The following SLC35E4 variants were observed in gnomAD, a reference collection of about 807,000 sequenced individuals.
SLC35E4 encodes the protein solute carrier family 35 member E4, also known as solute carrier family 35, member E4.
A neutral mutation model predicts 19.3 loss-of-function variants in SLC35E4; 15 were observed. The observed-to-expected ratio is 0.78, with a 90% CI of 0.52 to 1.20. The LOEUF is 1.20. SLC35E4 is among the 50% of genes most tolerant of loss of function. SLC35E4 has a pLI of 0.00. For synonymous variants in SLC35E4, 219 were observed against 219.9 expected (o/e 1.00, Z 0.04); for missense variants, 406 against 472.3 (o/e 0.86, Z 1.30).
downstream of SLC35E4, chr22:30,663,930 T>C (rs377416793): frequency 5.6e-6 from 9 of 1,614,166 alleles, no homozygotes; most frequent in South Asian, 2.2e-5. Context: ...ATACAGGCTT[T>C]TGGTTATCTG....
At chr22:30,641,576 C>T (rs2088037628) in intron 1 of SLC35E4, among the ~76,000 whole-genome samples, 1 of 151,400 alleles carries the variant, frequency 6.6e-6, no homozygotes, top group Non-Finnish European at 1.5e-5. Flanking sequence ...GAGACAATCT[C>T]TCTCTGTCGC....
downstream of SLC35E4, chr22:30,665,378 G>A (rs2145622266): frequency 3.1e-6 from 1 of 326,242 alleles, no homozygotes. Flanking sequence ...TCCATGCTCT[G>A]AAGGGCCTCA....
Position 30,643,046 on chromosome 22 carries a change from A to C in SLC35E4, c.620-3552A>C, listed in dbSNP as rs865867755. ...CTCCGTCTCAAAAAAAAAAAAAAAA[A>C]AGTATCCAGAAAGAGGAGAGCCCAG... On this transcript the variant is annotated intron_variant, in intron 1 of 1. Transcript: ENST00000343605. Among the ~76,000 whole-genome samples the C allele has an allele frequency of 7.1e-4, 108 of 151,772 alleles. 2 individuals are homozygous for C. The highest frequency in any genetic ancestry group is 4.3e-3 in the Admixed American group (65 of 15,252).
At chr22:30,654,364 TG>T in intron 2 of SLC35E4, 1 of 463,684 alleles carries the variant, frequency 2.2e-6, no homozygotes, top group African/African-American at 2.0e-5. Context: ...TGTCACTGTC[TG>T]GTACTTCCAG....
intron 2 of SLC35E4, among the ~76,000 whole-genome samples, chr22:30,655,819 A>G (rs2088328614): frequency 6.6e-6 from 1 of 152,172 alleles, no homozygotes; most frequent in African/African-American, 2.4e-5. Context: ...CTGAAGTCAA[A>G]GCCAAGAGGT....
At chr22:30,642,460 G>A (rs752972332) in intron 1 of SLC35E4, among the ~76,000 whole-genome samples, 55 of 152,106 alleles carry the variant, frequency 3.6e-4, no homozygotes, top group Non-Finnish European at 5.6e-4. Context: ...AAAGAAGGCT[G>A]GGCATGGTGG....
chr22:30,638,080 G>A (rs559948609), intron 1 of SLC35E4, among the ~76,000 whole-genome samples: 88 of 152,246 alleles, frequency 5.8e-4, no homozygotes, highest in African/African-American at 2.0e-3. Context: ...TTCATGATTT[G>A]ACAGGCTGGG....
chr22:30,668,931 A>G (rs2088767601), exon 3 of SLC35E4: 1 of 152,202 alleles, frequency 6.6e-6, no homozygotes, highest in Non-Finnish European at 1.5e-5. Context: ...TAGTATTGGT[A>G]AATTTTTTGC....
At chr22:30,645,965 C>A (rs999934571) in intron 1 of SLC35E4, among the ~76,000 whole-genome samples, 2 of 151,966 alleles carry the variant, frequency 1.3e-5, no homozygotes, top group Non-Finnish European at 2.9e-5. Context: ...ACTAAAGGCA[C>A]GTGCCACCAC....
downstream of SLC35E4, among the ~76,000 whole-genome samples, chr22:30,651,012 G>C (rs1221209304): frequency 6.7e-6 from 1 of 149,162 alleles, no homozygotes; most frequent in Admixed American, 6.7e-5. Flanking sequence ...AACAAGGATT[G>C]TGAGTCCTTG....
At chr22:30,666,052 G>C (rs1446801443), downstream of SLC35E4, among the ~76,000 whole-genome samples, 1 of 152,174 alleles carries the variant, frequency 6.6e-6, no homozygotes, top group Non-Finnish European at 1.5e-5. Context: ...TTCCCGGAAG[G>C]ACAGAGAGGG....
intron 1 of SLC35E4, among the ~76,000 whole-genome samples, chr22:30,639,940 AGGGTATT>A (rs1569056902): frequency 6.6e-6 from 1 of 152,044 alleles, no homozygotes; most frequent in Non-Finnish European, 1.5e-5. Flanking sequence ...GGAAATCACA[AGGGTATT>A]GGTTGGAGAA....
chr22:30,636,273 C>T lies in SLC35E4; in HGVS notation c.-178C>T, dbSNP rs1294947716. 12 of 938,192 alleles carry T rather than the reference C, an allele frequency of 1.3e-5. No individual in the cohort carries two copies. The highest frequency in any genetic ancestry group is 3.3e-5 in the African/African-American group (2 of 59,968). 58.1% of individuals were successfully genotyped at this position (938,192 alleles called of 1,614,324 possible). ...TGCCCTGTCTGAGCTGGAAACACAG[C>T]TTAGCTTCTAGACATCGCTGGCACA... On this transcript the variant is annotated 5_prime_UTR_variant, in exon 1 of 2. Coordinates refer to ENST00000343605, the MANE Select transcript of SLC35E4 (RefSeq NM_001001479.4).
intron 2 of SLC35E4, among the ~76,000 whole-genome samples, chr22:30,657,576 T>C (rs1396980279): frequency 2.0e-5 from 3 of 151,660 alleles, no homozygotes; most frequent in Admixed American, 6.6e-5. Flanking sequence ...CTGGGAAATA[T>C]GGTGAGACGC....
At chr22:30,655,445 A>G (rs1034265931) in intron 2 of SLC35E4, among the ~76,000 whole-genome samples, 16 of 151,176 alleles carry the variant, frequency 1.1e-4, no homozygotes, top group Admixed American at 3.9e-4. Context: ...AAAAAAAAAA[A>G]AAAGAAAAAG....
intron 1 of SLC35E4, among the ~76,000 whole-genome samples, chr22:30,640,998 G>C (rs1478574715): frequency 2.0e-5 from 3 of 152,200 alleles, no homozygotes; most frequent in Admixed American, 1.3e-4. Context: ...CTCCAAGGCA[G>C]GGTCAAAACC....
chr22:30,643,956 G>A (rs1221898372), intron 1 of SLC35E4, among the ~76,000 whole-genome samples: 1 of 152,222 alleles, frequency 6.6e-6, no homozygotes, highest in African/African-American at 2.4e-5. Flanking sequence ...TGGGCTGCAG[G>A]GAGGGGAGGT....
At chr22:30,655,292 C>CG (rs1417950133) in intron 2 of SLC35E4, among the ~76,000 whole-genome samples, 1 of 134,790 alleles carries the variant, frequency 7.4e-6, no homozygotes, top group African/African-American at 2.7e-5. Context: ...CCTGTCTCTA[C>CG]GGAAAAAAAA....
Position 30,636,944 on chromosome 22 carries a change from C to A in SLC35E4, c.494C>A (p.Ala165Asp), listed in dbSNP as rs1316187412. 1 of 1,612,124 alleles carries A rather than the reference C, an allele frequency of 6.2e-7. No homozygotes were observed. The highest frequency in any genetic ancestry group is 1.1e-5 in the South Asian group (1 of 90,970). ...CGCCGCCACCACCCACTTCAGTTGG[C>A]CGCCATGGGTCCGCTCTGCCTGGGG... ...LGRRHHPLQL[A>D]AMGPLCLGAA... Residue 165 changes from alanine to aspartate, a missense_variant, in exon 1 of 2, where the codon GCC becomes GAC. By Grantham distance (126) the Ala-to-Asp change is moderately radical. Coordinates refer to ENST00000343605, the MANE Select transcript of SLC35E4 (RefSeq NM_001001479.4).
Sources: gnomAD v4.1 joint callset for allele counts (sites outside exome capture counted in the v4.1 genomes callset) on GRCh38, gnomAD v4.1.1 for gene constraint, MANE v1.5 for transcripts, NCBI Gene and HGNC (gene_info 2026-07-23, HGNC 2026-07-21) for gene names.